Variants in WDFY4 observed in about 807,000 individuals in gnomAD.
The protein encoded by WDFY4 is WD repeat- and FYVE domain-containing protein 4.
A neutral mutation model predicts 351.9 loss-of-function variants in WDFY4; 169 were observed. The observed-to-expected ratio is 0.48, with a 90% confidence interval of 0.42 to 0.55. WDFY4 has a LOEUF of 0.55. Among genes scored for constraint, WDFY4 ranks in the 20% least tolerant of loss-of-function variants. The probability of loss-of-function intolerance (pLI) is 0.00; values close to 1 mark genes in which losing one functional copy is unlikely to be tolerated. For missense variants in WDFY4, 3,803 were observed against 3,935.6 expected (o/e 0.97, Z 0.90); for synonymous variants, 1,622 against 1,574.6 (o/e 1.03, Z -0.71).
chr10:48,687,757 G>A (rs2063091376), intron 1 of WDFY4, among the ~76,000 whole-genome samples: 1 of 150,028 alleles, frequency 6.7e-6, no homozygotes, highest in South Asian at 2.1e-4. Flanking sequence ...TGAGATTACA[G>A]GTACATGCCA....
chr10:48,952,289 C>G (rs1268072968), intron 51 of WDFY4, among the ~76,000 whole-genome samples: 1 of 152,220 alleles, frequency 6.6e-6, no homozygotes, highest in Non-Finnish European at 1.5e-5. Flanking sequence ...TACCCTAAGG[C>G]TCACATAGGG....
chr10:48,915,633 C>T (rs1838450826), intron 47 of WDFY4, among the ~76,000 whole-genome samples: 1 of 152,144 alleles, frequency 6.6e-6, no homozygotes. Flanking sequence ...ATGTTTTCCT[C>T]ACCCAGTGTC....
At chr10:48,802,614 C>T (rs1261834310) in intron 24 of WDFY4, 4 of 447,962 alleles carry the variant, frequency 8.9e-6, no homozygotes, top group Non-Finnish European at 1.8e-5. Context: ...CAATTCTGCC[C>T]CAGAAGGATC....
Position 48,943,380 on chromosome 10 carries a change from T to C in WDFY4, c.7680T>C (p.Ala2560=). 2.6e-6 allele frequency: 4 copies of C among 1,551,816 alleles called. No homozygotes were observed. The highest frequency in any genetic ancestry group is 3.5e-6 in the Non-Finnish European group (4 of 1,146,998). ...FEYLMYLNTA[A]GRTCNDYMQY... ...ATCTCATGTACCTCAACACCGCGGC[T>C]GGGAGAACCTGCAATGACTACATGC... The change falls in exon 49 of 62, where the codon GCT becomes GCC. Residue 2560 remains alanine, a synonymous_variant. Transcript: ENST00000325239.
chr10:48,729,824 C>T (rs1485382886), intron 8 of WDFY4, among the ~76,000 whole-genome samples: 1 of 152,180 alleles, frequency 6.6e-6, no homozygotes, highest in Non-Finnish European at 1.5e-5. Context: ...CTCCCTCACC[C>T]CTGGGGTGAT....
intron 6 of WDFY4, among the ~76,000 whole-genome samples, chr10:48,726,675 G>A (rs2132310174): frequency 6.6e-6 from 1 of 152,318 alleles, no homozygotes; most frequent in South Asian, 2.1e-4. Flanking sequence ...TCCGTAAAGT[G>A]GGGATAATAA....
intron 33 of WDFY4, 41 bp downstream of exon 33, chr10:48,820,478 G>T (rs972817766): frequency 4.5e-6 from 7 of 1,538,842 alleles, no homozygotes; most frequent in Non-Finnish European, 5.3e-6. Context: ...TGCTGTGGAG[G>T]CTGCCGGCAT....
intron 47 of WDFY4, chr10:48,913,353 T>C: frequency 6.3e-7 from 1 of 1,582,704 alleles, no homozygotes; most frequent in South Asian, 1.1e-5. Flanking sequence ...TCCCTCCCTC[T>C]CTCTTTCCCT....
chr10:48,780,063 A>C lies in WDFY4; in HGVS notation c.3520A>C (p.Lys1174Gln), dbSNP rs2066167831. Residue 1174 changes from lysine to glutamine, a missense_variant, in exon 19 of 62, where the codon AAA (lysine) becomes CAA (glutamine). Lys to Gln is a moderately conservative substitution (Grantham distance 53). Coordinates refer to ENST00000325239, the MANE Select transcript of WDFY4 (RefSeq NM_001394531.1). ...HLAVVVTKEM[K>Q]RHCTVSTCLD... ...GGCTGTGGTTGTCACTAAGGAAATG[A>C]AAAGGCATTGTACAGTTTCCACCTG... 1 of 1,551,906 alleles carries C rather than the reference A, an allele frequency of 6.4e-7. No individual in the cohort carries two copies. Among genetic ancestry groups the C allele is most frequent in the South Asian group, 1.2e-5 (1 of 84,070 alleles).
Position 48,877,039 on chromosome 10 carries a change from T to C in WDFY4, c.7007T>C (p.Leu2336Pro). 2 of 1,486,204 alleles carry C rather than the reference T, an allele frequency of 1.3e-6. No individual in the cohort carries two copies. Among genetic ancestry groups the C allele is most frequent in the Non-Finnish European group, 1.8e-6 (2 of 1,116,024 alleles). The allele number at this position is 1,486,204 out of a possible 1,614,324, so 92.1% of individuals were successfully genotyped here. ...SQTNAENQDE[L>P]TLREAEGEPD... Reference sequence around the variant, plus strand: ...TCCCTTTATGCTGCTGCAGATGAACTGACACTGAGGGAGGCTGAGGGCGAG... The same window carrying C: ...TCCCTTTATGCTGCTGCAGATGAACCGACACTGAGGGAGGCTGAGGGCGAG... The change falls in exon 43 of 62, where the codon CTG (leucine) becomes CCG (proline). Residue 2336 changes from leucine to proline, a missense_variant. Physicochemically the swap from Leu to Pro is moderately conservative, Grantham distance 98. Transcript: ENST00000325239.
chr10:48,874,376 A>G (rs2133289925), intron 41 of WDFY4, among the ~76,000 whole-genome samples: 1 of 152,318 alleles, frequency 6.6e-6, no homozygotes, highest in Non-Finnish European at 1.5e-5. Context: ...TCTTTATTGA[A>G]TGATCATAAT....
In WDFY4 at chr10:48,852,749, C is replaced by T. The variant is rs539049430; in HGVS notation, c.6664-14516C>T. Among the ~76,000 whole-genome samples the T allele has an allele frequency of 4.6e-5, 7 of 152,268 alleles. No individual in the cohort carries two copies. In the East Asian group the frequency reaches 5.8e-4, roughly 13 times the overall value. On this transcript the variant is annotated intron_variant, in intron 39 of 61. Transcript: ENST00000325239. ...AGCTCCTGGCCTGAACAGCCTCTCC[C>T]GTCCTCATCACTCAACTCAGCCGCT...
At chr10:48,767,269 T>G (rs2065702064) in intron 13 of WDFY4, among the ~76,000 whole-genome samples, 1 of 152,288 alleles carries the variant, frequency 6.6e-6, no homozygotes, top group Non-Finnish European at 1.5e-5. Flanking sequence ...GAGAGCATAG[T>G]TGTAAAGTCC....
chr10:48,957,675 A>G (rs1564528826), intron 52 of WDFY4, among the ~76,000 whole-genome samples: 1 of 152,200 alleles, frequency 6.6e-6, no homozygotes, highest in Non-Finnish European at 1.5e-5. Context: ...AAATGGGTTC[A>G]TGTGGACTCC....
At chr10:48,851,557 G>A (rs754667151) in intron 39 of WDFY4, among the ~76,000 whole-genome samples, 12 of 152,210 alleles carry the variant, frequency 7.9e-5, no homozygotes, top group East Asian at 1.9e-4. Context: ...GCCAGGACCC[G>A]TAACTGTCAT....
At chr10:48,765,924 G>A (rs550891174) in intron 13 of WDFY4, among the ~76,000 whole-genome samples, 39 of 152,338 alleles carry the variant, frequency 2.6e-4, no homozygotes, top group African/African-American at 8.7e-4. Flanking sequence ...GTTCAGGGCT[G>A]CATGTATCTA....
At chr10:48,739,881 T>C (rs774429377) in intron 11 of WDFY4, among the ~76,000 whole-genome samples, 3 of 152,146 alleles carry the variant, frequency 2.0e-5, no homozygotes, top group Non-Finnish European at 2.9e-5. Flanking sequence ...GCTTCAACAC[T>C]CTTTGAGTGA....
chr10:48,940,730 G>A (rs1840709169), intron 47 of WDFY4, among the ~76,000 whole-genome samples: 1 of 152,148 alleles, frequency 6.6e-6, no homozygotes, highest in Non-Finnish European at 1.5e-5. Context: ...ATGGAGTTGG[G>A]GAAGAAACGG....
At position 48,895,751 on chromosome 10, in the gene WDFY4, C is replaced by T. The variant is rs187282357; in HGVS notation, c.7317-1703C>T. 6.0e-3 allele frequency among the ~76,000 whole-genome samples: 921 copies of T among 152,312 alleles called. 18 individuals carry two copies. The highest frequency in any genetic ancestry group is 0.038 in the Admixed American group (578 of 15,310). ...TGGACAAATTTATTATCCTCCCTTT[C>T]CCCTCCTCTCTTCTGCTTCTCTGGG... is the stretch of plus-strand genomic sequence containing the variant. On this transcript the variant is annotated intron_variant, in intron 44 of 61. Transcript: ENST00000325239.
Sources: gnomAD v4.1 joint callset for allele counts (sites outside exome capture counted in the v4.1 genomes callset) on GRCh38, gnomAD v4.1.1 for gene constraint, MANE v1.5 for transcripts, NCBI Gene and HGNC (gene_info 2026-07-23, HGNC 2026-07-21) for gene names.